LGR4: variants seen among roughly 807,000 people sequenced by gnomAD.
LGR4 encodes the protein leucine rich repeat containing G protein-coupled receptor 4.
LGR4 carries 44 observed loss-of-function variants against 84.8 expected under a neutral mutation model. That is an observed-to-expected ratio of 0.52 (90% CI 0.41 to 0.67). The LOEUF (loss-of-function observed/expected upper bound fraction) is 0.67. Among genes scored for constraint, LGR4 ranks in the 30% least tolerant of loss-of-function variants. The pLI is 0.00. For missense variants in LGR4, 1,032 were observed against 1,131.4 expected (o/e 0.91, Z 1.26); for synonymous variants, 429 against 434.3 (o/e 0.99, Z 0.15).
chr11:27,461,225 G>A (rs1590412141), intron 1 of LGR4, among the ~76,000 whole-genome samples: 1 of 151,338 alleles, frequency 6.6e-6, no homozygotes, highest in East Asian at 1.9e-4. Flanking sequence ...AAAAACATAG[G>A]AGCACCGTGG....
At position 27,452,342 on chromosome 11, in the gene LGR4, C is replaced by T. The variant is rs115250460; in HGVS notation, c.185+19776G>A. ...CCCTTCACCCAGCTTTTCCCAATGG[C>T]AACATCTTACATAACCATAATATAT... On this transcript the variant is annotated intron_variant, in intron 1 of 17. Transcript: ENST00000379214. Among the ~76,000 whole-genome samples the T allele has an allele frequency of 3.0e-3, 452 of 152,236 alleles. 1 individual carries two copies. Among genetic ancestry groups the T allele is most frequent in the African/African-American group, 0.01 (431 of 41,538 alleles).
At chr11:27,375,741 C>T (rs1862965664) in intron 13 of LGR4, among the ~76,000 whole-genome samples, 1 of 152,172 alleles carries the variant, frequency 6.6e-6, no homozygotes, top group Non-Finnish European at 1.5e-5. Flanking sequence ...GGGCTGTAGT[C>T]TGCCTACCCT....
At chr11:27,459,752 G>C (rs925845173) in intron 1 of LGR4, among the ~76,000 whole-genome samples, 2 of 151,012 alleles carry the variant, frequency 1.3e-5, no homozygotes, top group Non-Finnish European at 2.9e-5. Flanking sequence ...TGCAATTACA[G>C]GCATGAGCCA....
intron 10 of LGR4, among the ~76,000 whole-genome samples, chr11:27,379,540 T>C (rs1327815219): frequency 6.6e-6 from 1 of 152,140 alleles, no homozygotes; most frequent in South Asian, 2.1e-4. Context: ...CTTCCCAAAT[T>C]CTTTTTTAAA....
intron 2 of LGR4, among the ~76,000 whole-genome samples, chr11:27,412,225 G>A (rs1348510569): frequency 6.6e-6 from 1 of 152,172 alleles, no homozygotes; most frequent in African/African-American, 2.4e-5. Flanking sequence ...AATTGGAAAT[G>A]TGAGATGCAA....
chr11:27,471,474 C>G (rs2133467493), intron 1 of LGR4, among the ~76,000 whole-genome samples: 1 of 152,364 alleles, frequency 6.6e-6, no homozygotes, highest in Non-Finnish European at 1.5e-5. Flanking sequence ...TTTTCTCGGA[C>G]TCCCCTGCGT....
intron 1 of LGR4, 145 bp downstream of exon 1, chr11:27,471,973 C>A (rs1282708533): frequency 6.3e-5 from 30 of 472,446 alleles, no homozygotes; most frequent in Non-Finnish European, 9.5e-5. Flanking sequence ...GCAGCCCGCA[C>A]GCAGGTGACC....
chr11:27,445,265 TGA>T (rs908945247), intron 1 of LGR4, among the ~76,000 whole-genome samples: 8 of 152,140 alleles, frequency 5.3e-5, no homozygotes, highest in African/African-American at 1.9e-4. Flanking sequence ...CGGGCCAGTG[TGA>T]GAGACTGGAG....
intron 1 of LGR4, among the ~76,000 whole-genome samples, chr11:27,449,628 A>AG (rs1478007026): frequency 3.9e-5 from 6 of 152,002 alleles, no homozygotes; most frequent in Non-Finnish European, 8.8e-5. Context: ...TATTAAAAAA[A>AG]GAAAAAAAAA....
chr11:27,461,339 T>C (rs1278503030), intron 1 of LGR4, among the ~76,000 whole-genome samples: 3 of 148,394 alleles, frequency 2.0e-5, no homozygotes, highest in Non-Finnish European at 4.5e-5. Context: ...CCTATCTCCA[T>C]AAATTAAAAA....
intron 1 of LGR4, among the ~76,000 whole-genome samples, chr11:27,461,930 G>C (rs1366562278): frequency 7.2e-6 from 1 of 139,724 alleles, no homozygotes; most frequent in African/African-American, 2.7e-5. Context: ...CCCGGATTCA[G>C]GCAATTCTCC....
intron 1 of LGR4, among the ~76,000 whole-genome samples, chr11:27,466,319 T>G (rs904617682): frequency 2.0e-5 from 3 of 152,218 alleles, no homozygotes; most frequent in Non-Finnish European, 4.4e-5. Flanking sequence ...TTCTTGCAAC[T>G]TTACTTAATA....
chr11:27,466,835 G>A (rs1186638762), intron 1 of LGR4, among the ~76,000 whole-genome samples: 1 of 152,044 alleles, frequency 6.6e-6, no homozygotes, highest in Non-Finnish European at 1.5e-5. Context: ...CCAGGCTGGA[G>A]TGCAGTGGCA....
chr11:27,391,033 T>C (rs1863275086), intron 4 of LGR4, 61 bp downstream of exon 4: 2 of 930,856 alleles, frequency 2.1e-6, no homozygotes, highest in Non-Finnish European at 1.7e-6. Context: ...ATTCTAGTTA[T>C]TTACATCTTT....
intron 1 of LGR4, among the ~76,000 whole-genome samples, chr11:27,441,641 T>G (rs1256962640): frequency 6.6e-6 from 1 of 152,056 alleles, no homozygotes; most frequent in African/African-American, 2.4e-5. Flanking sequence ...CTAAAAATTT[T>G]CTTAAAAAGA....
At chr11:27,377,355 T>G in intron 11 of LGR4, 132 bp from the exon 12 acceptor site, 1 of 476,602 alleles carries the variant, frequency 2.1e-6, no homozygotes, top group Non-Finnish European at 3.8e-6. Context: ...GAAAAACAAG[T>G]CTTTTTTCCT....
At chr11:27,437,453 A>AT (rs936090125) in intron 1 of LGR4, among the ~76,000 whole-genome samples, 1 of 152,146 alleles carries the variant, frequency 6.6e-6, no homozygotes, top group African/African-American at 2.4e-5. Context: ...CATAAAATGC[A>AT]TTTTTTATCA....
At chr11:27,377,598 A>G (rs1863009365) in intron 11 of LGR4, among the ~76,000 whole-genome samples, 1 of 152,032 alleles carries the variant, frequency 6.6e-6, no homozygotes, top group Non-Finnish European at 1.5e-5. Flanking sequence ...TTGTATTTAT[A>G]CGGTTTAAAA....
intron 1 of LGR4, among the ~76,000 whole-genome samples, chr11:27,440,688 A>C (rs962322490): frequency 6.6e-6 from 1 of 152,184 alleles, no homozygotes; most frequent in African/African-American, 2.4e-5. Flanking sequence ...TTTTTCACTA[A>C]GAAGTATGGT....
Sources: gnomAD v4.1 joint callset for allele counts (sites outside exome capture counted in the v4.1 genomes callset) on GRCh38, gnomAD v4.1.1 for gene constraint, MANE v1.5 for transcripts, NCBI Gene and HGNC (gene_info 2026-07-23, HGNC 2026-07-21) for gene names.